Variants in ZNF276 observed in about 807,000 individuals in gnomAD.
ZNF276 encodes the protein zinc finger protein 276.
In ZNF276, 59 loss-of-function variants were observed where a neutral mutation model predicts 63.9. That is an observed-to-expected ratio of 0.92 (90% CI 0.75 to 1.15). The LOEUF (loss-of-function observed/expected upper bound fraction) is 1.15. Among genes scored for constraint, ZNF276 ranks in the 50% most tolerant of loss-of-function variants. ZNF276 has a pLI of 0.00. For synonymous variants in ZNF276, 496 were observed against 348.4 expected (o/e 1.42, Z -4.72); for missense variants, 1,084 against 843.8 (o/e 1.28, Z -3.53).
intron 9 of ZNF276, among the ~76,000 whole-genome samples, chr16:89,736,897 T>C (rs1368037905): frequency 1.3e-5 from 2 of 148,612 alleles, no homozygotes; most frequent in Non-Finnish European, 3.0e-5. Flanking sequence ...AGAGCAAGAC[T>C]CAAGTCTCAA....
upstream of ZNF276, chr16:89,720,936 G>C (rs2061248809): frequency 8.2e-7 from 1 of 1,225,880 alleles, no homozygotes; most frequent in African/African-American, 1.6e-5. Context: ...CGCAGCCGGC[G>C]CTGGTGCTGG....
chr16:89,732,726 G>A (rs1269352389), intron 6 of ZNF276: 10 of 180,944 alleles, frequency 5.5e-5, no homozygotes, highest in African/African-American at 1.3e-4. Context: ...GTCCTCTGCC[G>A]TTTGCCCCTG....
upstream of ZNF276, chr16:89,720,783 C>A (rs942362843): frequency 6.9e-7 from 1 of 1,458,854 alleles, no homozygotes; most frequent in East Asian, 3.1e-5. Context: ...TTGCCGGTGT[C>A]CAGCTCGATG....
rs17227389 is a variant in ZNF276, at chr16:89,739,265, G to A, written c.*1019G>A. 6.9e-5 allele frequency: 112 copies of A among 1,614,052 alleles called. No individual in the cohort carries two copies. The highest frequency in any genetic ancestry group is 6.3e-4 in the Admixed American group (38 of 60,008). The stretch of plus-strand genomic sequence containing the variant: ...GGAAGGCCTCTTCCCTGATGGCCGC[G>A]TCTTCATGGAAGTAGGAGAGAAGAC... On this transcript the variant is annotated 3_prime_UTR_variant, in exon 11 of 11. Coordinates refer to ENST00000443381, the MANE Select transcript of ZNF276 (RefSeq NM_001113525.2).
chr16:89,737,454 C>G (rs1846718900), intron 9 of ZNF276: 1 of 277,246 alleles, frequency 3.6e-6, no homozygotes, highest in Non-Finnish European at 7.0e-6. Flanking sequence ...CTGGGAGGCG[C>G]AGGTTGCAGT....
intron 1 of ZNF276, 85 bp downstream of exon 1, chr16:89,721,930 C>T (rs184341102): frequency 8.1e-4 from 783 of 965,960 alleles, no homozygotes; most frequent in Non-Finnish European, 1.0e-3. Flanking sequence ...CGGAAGCCGG[C>T]GCGGCCTCTC....
Position 89,739,154 on chromosome 16 carries a change from C to A in ZNF276, c.*908C>A. 6.2e-7 allele frequency: 1 copy of A among 1,614,138 alleles called. No homozygotes were observed. The highest frequency in any genetic ancestry group is 8.5e-7 in the Non-Finnish European group (1 of 1,180,040). ...CTGCCTGACCCTTGAGCTCCAGGCTCCTGCCAGCTGGAGGTGAAACTGTGC... is the reference window on the plus strand; with the variant it reads ...CTGCCTGACCCTTGAGCTCCAGGCTACTGCCAGCTGGAGGTGAAACTGTGC... On this transcript the variant is annotated 3_prime_UTR_variant, in exon 11 of 11. Transcript: ENST00000443381.
At chr16:89,726,293 T>G (rs1440510223) in intron 4 of ZNF276, among the ~76,000 whole-genome samples, 1 of 152,064 alleles carries the variant, frequency 6.6e-6, no homozygotes, top group African/African-American at 2.4e-5. Context: ...GCCTCCCAGG[T>G]TCAAGCGATT....
rs771775516 is a variant in ZNF276 at position 89,739,992 on chromosome 16, A to G, written c.*1746A>G. The G allele has an allele frequency of 1.2e-6, 2 of 1,614,090 alleles. No individual in the cohort carries two copies. The highest frequency in any genetic ancestry group is 1.1e-5 in the South Asian group (1 of 91,086). ...TTTGTGCCTCAGCAGCGTGTTTCTT[A>G]CCACTCTCTGTCAACTGAAAGAGTG... On this transcript the variant is annotated 3_prime_UTR_variant, in exon 11 of 11. Coordinates refer to ENST00000443381, the MANE Select transcript of ZNF276 (RefSeq NM_001113525.2).
chr16:89,737,910 G>C lies in ZNF276; in HGVS notation c.1574+5G>C, dbSNP rs372441703. ...TTCGGGAGCCAAGCCTTTGCAGTAA[G>C]TGTGAGTCAGGACCCCCTCCCAGGG... On this transcript the variant is annotated splice_donor_5th_base_variant and intron_variant, in intron 10 of 10. Coordinates refer to ENST00000443381, the MANE Select transcript of ZNF276 (RefSeq NM_001113525.2). 2 of 1,585,158 alleles carry C rather than the reference G, an allele frequency of 1.3e-6. No homozygotes were observed. Among genetic ancestry groups the C allele is most frequent in the African/African-American group, 1.7e-5 (1 of 60,576 alleles).
rs375934734 is a variant in ZNF276 at position 89,733,548 on chromosome 16, C to A, written c.1347C>A (p.Asp449Glu). Residue 449 changes from aspartate (D) to glutamate (E), a missense_variant, in exon 8 of 11, where the codon GAC becomes GAA. Coordinates refer to ENST00000443381, the MANE Select transcript of ZNF276 (RefSeq NM_001113525.2). ...QGCTAVYRGA[D>E]GMKKHIKEHH... Reference sequence around the variant, plus strand: ...GCACGGCCGTGTACCGAGGCGCTGACGGCATGAAGGTGAGCACTGGCTGTG... The same window carrying A: ...GCACGGCCGTGTACCGAGGCGCTGAAGGCATGAAGGTGAGCACTGGCTGTG... The A allele has an allele frequency of 6.2e-7, 1 of 1,614,002 alleles. No homozygotes were observed. Among genetic ancestry groups the A allele is most frequent in the Non-Finnish European group, 8.5e-7 (1 of 1,180,038 alleles).
chr16:89,729,331 C>T lies in ZNF276; in HGVS notation c.1169+13C>T, dbSNP rs758007567. ...ACCCAGAAAGGAAGTAAGTGGGCAG[C>T]CCGGGGTCTGCTGGAGGCATCCGTT... On this transcript the variant is annotated intron_variant, in intron 6 of 10. Coordinates refer to ENST00000443381, the MANE Select transcript of ZNF276 (RefSeq NM_001113525.2). The T allele has an allele frequency of 3.1e-6, 5 of 1,613,386 alleles. No homozygotes were observed. Among genetic ancestry groups the T allele is most frequent in the African/African-American group, 1.3e-5 (1 of 75,050 alleles).
chr16:89,733,816 G>A, intron 8 of ZNF276, 105 bp from the exon 9 acceptor site: 1 of 1,058,342 alleles, frequency 9.4e-7, no homozygotes. Flanking sequence ...CGCTGGAGGA[G>A]GAGTTGGATC....
At chr16:89,732,840 C>T (rs544990431) in intron 6 of ZNF276, 4 of 224,374 alleles carry the variant, frequency 1.8e-5, no homozygotes, top group Admixed American at 5.8e-5. Flanking sequence ...CTGTGTCCTG[C>T]GCCCTTGCCC....
intron 5 of ZNF276, among the ~76,000 whole-genome samples, chr16:89,728,624 GATC>G: frequency 6.6e-6 from 1 of 152,044 alleles, no homozygotes; most frequent in East Asian, 1.9e-4. Context: ...GGATGGTCTT[GATC>G]TCCTGACCTC....
In ZNF276 at chr16:89,721,712, C is replaced by A; in HGVS notation, c.72C>A (p.Gly24=). 1 of 1,366,606 alleles carries A rather than the reference C, an allele frequency of 7.3e-7. No homozygotes were observed. The highest frequency in any genetic ancestry group is 9.4e-7 in the Non-Finnish European group (1 of 1,060,680). 84.7% of individuals were successfully genotyped at this position (1,366,606 alleles called of 1,614,324 possible). A position where few individuals can be genotyped will look rare whatever the true frequency, so the allele number is the denominator to read the frequency against. The change falls in exon 1 of 11, where the codon GGC becomes GGA. Residue 24 remains glycine (G), a synonymous_variant. Coordinates refer to ENST00000443381, the MANE Select transcript of ZNF276 (RefSeq NM_001113525.2). ...SSRQCGASDG[G]GGVSRTRGRP... is the part of the protein sequence containing the mutation. The stretch of plus-strand genomic sequence containing the variant: ...GACAGTGCGGGGCCTCGGACGGCGG[C>A]GGCGGCGTCAGCCGGACTCGGGGCC...
rs747917354 is a variant in ZNF276 at position 89,738,819 on chromosome 16, G to A, written c.*573G>A. 5 of 1,614,034 alleles carry A rather than the reference G, an allele frequency of 3.1e-6. No individual in the cohort carries two copies. The highest frequency in any genetic ancestry group is 3.3e-4 in the Middle Eastern group (2 of 6,062). ...TGTATTGCCAGCCAGGCAGGCACAT[G>A]GCCCAGGCAGCTGTCAATTCTCATG... On this transcript the variant is annotated 3_prime_UTR_variant, in exon 11 of 11. Coordinates refer to ENST00000443381, the MANE Select transcript of ZNF276 (RefSeq NM_001113525.2).
chr16:89,739,053 T>A lies in ZNF276; in HGVS notation c.*807T>A. The A allele has an allele frequency of 6.2e-7, 1 of 1,613,994 alleles. No homozygotes were observed. Among genetic ancestry groups the A allele is most frequent in the Non-Finnish European group, 8.5e-7 (1 of 1,179,872 alleles). On this transcript the variant is annotated 3_prime_UTR_variant, in exon 11 of 11. Coordinates refer to ENST00000443381, the MANE Select transcript of ZNF276 (RefSeq NM_001113525.2). ...GGTGTGTCCCCCATAGTCTGCATGC[T>A]GTGCCGGAACATTCTTTGGCAGAAG... is the stretch of plus-strand genomic sequence containing the variant.
intron 6 of ZNF276, chr16:89,732,095 C>T (rs1405223668): frequency 6.6e-6 from 1 of 152,212 alleles, no homozygotes; most frequent in Non-Finnish European, 1.5e-5. Flanking sequence ...TGAAGAAGTT[C>T]CTTTCTGTTC....
Sources: gnomAD v4.1 joint callset for allele counts (sites outside exome capture counted in the v4.1 genomes callset) on GRCh38, gnomAD v4.1.1 for gene constraint, MANE v1.5 for transcripts, NCBI Gene and HGNC (gene_info 2026-07-23, HGNC 2026-07-21) for gene names.